Variants in GPC5 observed in about 807,000 individuals in gnomAD.
The protein encoded by GPC5 is glypican 5.
Under a neutral mutation model 53.9 loss-of-function variants are expected in GPC5, and 47 were observed. The ratio of observed to expected loss-of-function variants is 0.87; its 90% CI spans 0.69 to 1.11. The LOEUF (loss-of-function observed/expected upper bound fraction) is 1.11. Ranked by LOEUF, GPC5 falls within the 50% of genes most tolerant of loss-of-function variation. The pLI, the probability that GPC5 is intolerant of heterozygous loss-of-function variation, is 0.00. For missense variants in GPC5, 748 were observed against 713.1 expected, an observed-to-expected ratio of 1.05 and a Z score of -0.56; for synonymous variants, 286 against 263.3, an observed-to-expected ratio of 1.09 and a Z score of -0.84.
intron 7 of GPC5, among the ~76,000 whole-genome samples, chr13:92,660,509 A>T (rs1041480733): frequency 3.3e-5 from 5 of 152,040 alleles, no homozygotes; most frequent in Non-Finnish European, 7.4e-5. Context: ...ATATGCACAT[A>T]TGTGAACACA....
rs764323816 is a variant in GPC5 at position 91,689,630 on chromosome 13, T to A, written c.326-3557T>A. ...TCTATTTTTAAATATTTATTTATTT[T>A]TTTACTTTTTAAACTTTTTTGTTAA... is the stretch of plus-strand genomic sequence containing the variant. On this transcript the variant is annotated intron_variant, in intron 2 of 7. Coordinates refer to ENST00000377067, the MANE Select transcript of GPC5 (RefSeq NM_004466.6). Among the ~76,000 whole-genome samples, 21 of 151,920 alleles carry A rather than the reference T, an allele frequency of 1.4e-4. 1 individual carries two copies. Among genetic ancestry groups the A allele is most frequent in the South Asian group, 1.0e-3 (5 of 4,814 alleles).
intron 6 of GPC5, among the ~76,000 whole-genome samples, chr13:92,057,682 AG>A (rs1394337544): frequency 6.6e-6 from 1 of 152,146 alleles, no homozygotes; most frequent in Non-Finnish European, 1.5e-5. Context: ...GCCTGCTGAA[AG>A]CTCTAAGTTG....
At chr13:92,618,008 A>C (rs1377841856) in intron 7 of GPC5, among the ~76,000 whole-genome samples, 1 of 152,160 alleles carries the variant, frequency 6.6e-6, no homozygotes, top group Non-Finnish European at 1.5e-5. Flanking sequence ...TGCTTCAGTT[A>C]TGTGCAGCTC....
At chr13:92,337,362 G>A (rs2043332142) in intron 7 of GPC5, among the ~76,000 whole-genome samples, 2 of 152,118 alleles carry the variant, frequency 1.3e-5, no homozygotes, top group African/African-American at 4.8e-5. Context: ...GAAGATGTTA[G>A]TTCTTCACAA....
intron 7 of GPC5, among the ~76,000 whole-genome samples, chr13:92,721,917 T>G (rs888667604): frequency 2.0e-5 from 3 of 152,014 alleles, no homozygotes; most frequent in African/African-American, 7.2e-5. Flanking sequence ...AGTTCAAAGT[T>G]AAATTTGGGA....
intron 7 of GPC5, among the ~76,000 whole-genome samples, chr13:92,680,416 A>G (rs1488847316): frequency 6.6e-6 from 1 of 152,220 alleles, no homozygotes; most frequent in African/African-American, 2.4e-5. Context: ...ATGAGATTGT[A>G]AGCTTTATAG....
intron 7 of GPC5, among the ~76,000 whole-genome samples, chr13:92,593,742 A>C (rs942138517): frequency 2.0e-5 from 3 of 152,206 alleles, no homozygotes; most frequent in African/African-American, 7.2e-5. Context: ...TATGTGTCTA[A>C]GAAGTCAAAG....
chr13:91,842,850 G>A (rs2038805420), intron 5 of GPC5, among the ~76,000 whole-genome samples: 1 of 151,722 alleles, frequency 6.6e-6, no homozygotes, highest in South Asian at 2.1e-4. Flanking sequence ...GCTCTTTAAA[G>A]TTGAATTATC....
chr13:92,271,383 C>T (rs2042838621), intron 7 of GPC5, among the ~76,000 whole-genome samples: 1 of 152,160 alleles, frequency 6.6e-6, no homozygotes, highest in Non-Finnish European at 1.5e-5. Context: ...TTTCTAACTC[C>T]ACCCTTTTAT....
chr13:92,110,905 A>G (rs867111442), intron 6 of GPC5, among the ~76,000 whole-genome samples: 197 of 152,302 alleles, frequency 1.3e-3, no homozygotes, highest in African/African-American at 4.7e-3. Context: ...TTCCTAAAGA[A>G]TCATCATGAT....
At chr13:92,021,911 TC>T (rs1446123081) in intron 6 of GPC5, among the ~76,000 whole-genome samples, 2 of 152,332 alleles carry the variant, frequency 1.3e-5, no homozygotes, top group East Asian at 3.9e-4. Flanking sequence ...TGTCCAGAAT[TC>T]ACTTTTAAGC....
chr13:92,676,450 A>G (rs368088005), intron 7 of GPC5, among the ~76,000 whole-genome samples: 3 of 152,256 alleles, frequency 2.0e-5, no homozygotes, highest in East Asian at 3.9e-4. Context: ...GAAATTTTTA[A>G]TTAACTAGAA....
chr13:91,945,905 T>C (rs1158937509), intron 6 of GPC5, among the ~76,000 whole-genome samples: 2 of 152,204 alleles, frequency 1.3e-5, no homozygotes, highest in East Asian at 3.8e-4. Flanking sequence ...GTAGTTATTT[T>C]TCGGGGAATT....
chr13:92,602,055 G>A (rs1884075864), intron 7 of GPC5, among the ~76,000 whole-genome samples: 1 of 150,028 alleles, frequency 6.7e-6, no homozygotes, highest in South Asian at 2.1e-4. Context: ...GAAAATAATT[G>A]TTGGCTTGCA....
At position 92,865,977 on chromosome 13, in the gene GPC5, A is replaced by G. The variant is rs184194478; in HGVS notation, c.1562-305A>G. ...CAAGAACTAATCCCATACCTAGGAT[A>G]TATTAATTAATTAAATGTCTTCACT... On this transcript the variant is annotated intron_variant, in intron 7 of 7. Transcript: ENST00000377067. Among the ~76,000 whole-genome samples the G allele has an allele frequency of 1.4e-3, 214 of 152,284 alleles. 2 individuals are homozygous for G. Among genetic ancestry groups the G allele is most frequent in the Non-Finnish European group, 1.8e-4 (12 of 68,020 alleles).
At chr13:92,177,402 A>G (rs1320005154) in intron 7 of GPC5, among the ~76,000 whole-genome samples, 2 of 152,222 alleles carry the variant, frequency 1.3e-5, no homozygotes, top group African/African-American at 2.4e-5. Flanking sequence ...CTTATTTCAA[A>G]TGATTAACCT....
chr13:92,612,752 C>A (rs539441229), intron 7 of GPC5, among the ~76,000 whole-genome samples: 1 of 152,064 alleles, frequency 6.6e-6, no homozygotes, highest in Non-Finnish European at 1.5e-5. Flanking sequence ...ATTGCCTGTT[C>A]TGTGCCAGAC....
At chr13:91,859,297 T>C (rs61967100) in intron 5 of GPC5, among the ~76,000 whole-genome samples, 28,675 of 151,778 alleles carry the variant, frequency 0.19, 3,013 homozygotes, top group East Asian at 0.31. Context: ...ATAAATTTGC[T>C]TCTTCTGCTT....
chr13:92,337,703 T>A (rs2043334575), intron 7 of GPC5, among the ~76,000 whole-genome samples: 1 of 152,170 alleles, frequency 6.6e-6, no homozygotes. Context: ...AATGCGATGG[T>A]GCAAAATAGT....
Sources: gnomAD v4.1 joint callset for allele counts (sites outside exome capture counted in the v4.1 genomes callset) on GRCh38, gnomAD v4.1.1 for gene constraint, MANE v1.5 for transcripts, NCBI Gene and HGNC (gene_info 2026-07-23, HGNC 2026-07-21) for gene names.